ACP6: variants seen among roughly 807,000 people sequenced by gnomAD.
ACP6 encodes acid phosphatase 6, lysophosphatidic.
Under a neutral mutation model 48.1 loss-of-function variants are expected in ACP6, and 48 were observed. That is an observed-to-expected ratio of 1.00 (90% CI 0.79 to 1.27). The LOEUF is 1.27. Ranked by LOEUF, ACP6 falls within the 50% of genes most tolerant of loss-of-function variation. ACP6 has a pLI of 0.00. For missense variants in ACP6, 485 were observed against 529.1 expected (o/e 0.92, Z 0.82); for synonymous variants, 172 against 204.2 (o/e 0.84, Z 1.34).
chr1:147,634,187 A>C (rs782649150), intron 5 of ACP6, among the ~76,000 whole-genome samples: 1 of 152,138 alleles, frequency 6.6e-6, no homozygotes, highest in African/African-American at 2.4e-5. Context: ...TTTGGTTTGC[A>C]TTTCTCTGAT....
chr1:147,662,249 A>G (rs1660583265), intron 1 of ACP6, among the ~76,000 whole-genome samples: 1 of 152,162 alleles, frequency 6.6e-6, no homozygotes, highest in Non-Finnish European at 1.5e-5. Context: ...CTGCTAACAC[A>G]ATGTCCTTTC....
intron 1 of ACP6, among the ~76,000 whole-genome samples, chr1:147,665,395 G>C (rs1660746745): frequency 6.6e-6 from 1 of 152,110 alleles, no homozygotes; most frequent in African/African-American, 2.4e-5. Context: ...CTTTATGTGG[G>C]GACTGTGTTG....
downstream of ACP6, among the ~76,000 whole-genome samples, chr1:147,639,084 T>C (rs145512887): frequency 3.9e-4 from 60 of 152,278 alleles, no homozygotes; most frequent in East Asian, 6.4e-3. Flanking sequence ...CTCGAACCCC[T>C]GGGCTCAAGC....
In ACP6 at chr1:147,670,017, CACA is replaced by C. The variant is rs782776844; in HGVS notation, c.29_31del (p.Leu10del). ...CGAGGTCAGGACGCCCACTGGGGTCCACAAGCGCATGCTGAACACACCAGTGAT... is the reference window on the plus strand; with the variant it reads ...CGAGGTCAGGACGCCCACTGGGGTCCAGCGCATGCTGAACACACCAGTGAT... On this transcript the variant is annotated inframe_deletion, in exon 1 of 10. Transcript: ENST00000583509. 24 of 1,544,388 alleles carry C rather than the reference CACA, an allele frequency of 1.6e-5. No individual in the cohort carries two copies. The highest frequency in any genetic ancestry group is 4.4e-6 in the Non-Finnish European group (5 of 1,143,890).
chr1:147,668,415 GAT>G (rs79430492), intron 1 of ACP6, among the ~76,000 whole-genome samples: 34,839 of 145,408 alleles, frequency 0.24, 4,097 homozygotes, highest in African/African-American at 0.3. Context: ...GTGCCTTCAG[GAT>G]ATATATATAT....
At chr1:147,660,121 AGATGTCAGT>A (rs1660472059) in intron 1 of ACP6, among the ~76,000 whole-genome samples, 1 of 152,228 alleles carries the variant, frequency 6.6e-6, no homozygotes, top group Non-Finnish European at 1.5e-5. Context: ...GAAAGAAATA[AGATGTCAGT>A]GACCATATGT....
intron 5 of ACP6, among the ~76,000 whole-genome samples, chr1:147,636,573 T>C (rs1381215409): frequency 1.3e-5 from 2 of 152,204 alleles, no homozygotes; most frequent in African/African-American, 2.4e-5. Context: ...AGGTGAAAGT[T>C]TGAGTCCTGC....
downstream of ACP6, among the ~76,000 whole-genome samples, chr1:147,639,502 T>C (rs1398103554): frequency 1.3e-5 from 2 of 152,180 alleles, no homozygotes; most frequent in African/African-American, 4.8e-5. Flanking sequence ...CAAGTTCTAC[T>C]TACCCAAGTG....
chr1:147,648,550 T>C, intron 8 of ACP6, 139 bp from the exon 9 acceptor site: 1 of 958,256 alleles, frequency 1.0e-6, no homozygotes, highest in Non-Finnish European at 1.5e-6. Context: ...GGTATAAAAG[T>C]CCTTTGCAGT....
rs587687009 is a variant in ACP6, at chr1:147,670,092, C to A, written c.-44G>T. On this transcript the variant is annotated 5_prime_UTR_variant, in exon 1 of 10. Transcript: ENST00000583509. ...CCCTCCGGGTTGAGGCTGCAGGAGG[C>A]AAACACAAGTCTTCTGCGGGCGCCG... 4 of 1,449,700 alleles carry A rather than the reference C, an allele frequency of 2.8e-6. No individual in the cohort carries two copies. In the South Asian group the frequency reaches 4.0e-5, roughly 15 times the overall value. The allele number at this position is 1,449,700 out of a possible 1,614,324, so 89.8% of individuals were successfully genotyped here. A position where few individuals can be genotyped will look rare whatever the true frequency, so the allele number is the denominator to read the frequency against.
At chr1:147,659,163 A>C (rs1194501883) in intron 3 of ACP6, 124 bp from the exon 4 acceptor site, 12 of 1,101,812 alleles carry the variant, frequency 1.1e-5, no homozygotes, top group Middle Eastern at 2.7e-4. Context: ...GGAACTAGGA[A>C]GAATGCTTCA....
chr1:147,648,465 G>T, intron 8 of ACP6, 54 bp from the exon 9 acceptor site: 1 of 1,596,264 alleles, frequency 6.3e-7, no homozygotes, highest in Non-Finnish European at 8.6e-7. Context: ...CTGAAGGTCA[G>T]GATGTGGCCT....
chr1:147,648,159 G>T (rs1199943348), intron 9 of ACP6, 87 bp downstream of exon 9: 9 of 1,498,556 alleles, frequency 6.0e-6, no homozygotes, highest in South Asian at 2.5e-5. Flanking sequence ...CACTGGGCCT[G>T]AGGAGGGAGA....
rs117888175 is a variant in ACP6, at chr1:147,665,916, A to C, written c.219+3914T>G. On this transcript the variant is annotated intron_variant, in intron 1 of 9. Transcript: ENST00000583509. ...AGCTTCCCAGTTAGTGGCAAAGACT[A>C]ACTTGATAATTTTACTTATTTTGTG... 6.6e-3 allele frequency among the ~76,000 whole-genome samples: 1,011 copies of C among 152,358 alleles called. 14 individuals are homozygous for C. Among genetic ancestry groups the C allele is most frequent in the East Asian group, 0.063 (325 of 5,184 alleles).
At chr1:147,641,918 A>G (rs2148899529), downstream of ACP6, among the ~76,000 whole-genome samples, 1 of 152,314 alleles carries the variant, frequency 6.6e-6, no homozygotes, top group African/African-American at 2.4e-5. Context: ...TGGCTTGCGA[A>G]ACCTACCACA....
intron 8 of ACP6, 145 bp downstream of exon 8, chr1:147,649,998 C>T (rs1271555942): frequency 1.6e-6 from 1 of 622,794 alleles, no homozygotes. Context: ...GATTGTGAAC[C>T]TCTTTGACAC....
At chr1:147,657,885 T>C (rs7518236) in intron 4 of ACP6, among the ~76,000 whole-genome samples, 73,678 of 152,134 alleles carry the variant, frequency 0.48, 18,385 homozygotes, top group Non-Finnish European at 0.54. Flanking sequence ...AAACCTGGGA[T>C]ATTCCCAGTC....
rs3818887 is a variant in ACP6, at chr1:147,650,540, G to C, written c.882-302C>G. ...ACCTGGATAAGCCGTGACCAACTAG[G>C]CCTTGGGGAATCAAAGAACAAAGCT... On this transcript the variant is annotated intron_variant, in intron 7 of 9. Coordinates refer to ENST00000583509, the MANE Select transcript of ACP6 (RefSeq NM_016361.5). The C allele has an allele frequency of 1.1e-5, 3 of 276,794 alleles. No homozygotes were observed. The East Asian group carries it at 1.9e-4, about 18-fold the overall frequency. 17.1% of individuals were successfully genotyped at this position (276,794 alleles called of 1,614,324 possible). A position where few individuals can be genotyped will look rare whatever the true frequency, so the allele number is the denominator to read the frequency against.
rs782479116 is a variant in ACP6 at position 147,644,210 on chromosome 1, GTTAA to G, written c.*3209_*3212del. On this transcript the variant is annotated 3_prime_UTR_variant, in exon 10 of 10. Coordinates refer to ENST00000583509, the MANE Select transcript of ACP6 (RefSeq NM_016361.5). ...GATGAGTAGATGAAGTGATGAATAT[GTTAA>G]TTAGCTTGATTTAATCATTCCCTCA... The G allele has an allele frequency of 6.6e-6, 1 of 152,144 alleles. No individual in the cohort carries two copies. Among genetic ancestry groups the G allele is most frequent in the Non-Finnish European group, 1.5e-5 (1 of 68,042 alleles). The allele number at this position is 152,144 out of a possible 1,614,324, so 9.4% of individuals were successfully genotyped here.
Sources: gnomAD v4.1 joint callset for allele counts (sites outside exome capture counted in the v4.1 genomes callset) on GRCh38, gnomAD v4.1.1 for gene constraint, MANE v1.5 for transcripts, NCBI Gene and HGNC (gene_info 2026-07-23, HGNC 2026-07-21) for gene names.